The following RFXAP variants were observed in gnomAD, a reference collection of about 807,000 sequenced individuals.
RFXAP encodes the protein regulatory factor X-associated protein.
Under a neutral mutation model 25.7 loss-of-function variants are expected in RFXAP, and 21 were observed. The ratio of observed to expected loss-of-function variants is 0.82; its 90% CI spans 0.58 to 1.18. The LOEUF is 1.18. Among genes scored for constraint, RFXAP ranks in the 50% most tolerant of loss-of-function variants. The probability of loss-of-function intolerance (pLI) is 0.00; values close to 1 mark genes in which losing one functional copy is unlikely to be tolerated. For missense variants in RFXAP, 333 were observed against 363.0 expected (o/e 0.92, Z 0.67); for synonymous variants, 161 against 152.2 (o/e 1.06, Z -0.43).
At chr13:36,824,874 G>C (rs1006551258) in intron 1 of RFXAP, among the ~76,000 whole-genome samples, 2 of 151,966 alleles carry the variant, frequency 1.3e-5, no homozygotes. Context: ...TGAAAGCTTT[G>C]GTTATCAGTT....
intron 1 of RFXAP, among the ~76,000 whole-genome samples, chr13:36,824,512 A>G (rs2057972050): frequency 6.6e-6 from 1 of 152,200 alleles, no homozygotes. Flanking sequence ...TATTCTAAGT[A>G]AAGAACAAAG....
chr13:36,819,326 G>T lies in RFXAP; in HGVS notation c.-32G>T. ...TAGGCCAAGCAGGTGCTAAAAGCCC[G>T]GGGTCGTGGACCCCGGCCAGGTCTT... On this transcript the variant is annotated 5_prime_UTR_variant, in exon 1 of 3. Coordinates refer to ENST00000255476, the MANE Select transcript of RFXAP (RefSeq NM_000538.4). The T allele has an allele frequency of 8.0e-7, 1 of 1,250,498 alleles. No homozygotes were observed. 77.5% of individuals were successfully genotyped at this position (1,250,498 alleles called of 1,614,324 possible).
rs925513125 is a variant in RFXAP at position 36,829,032 on chromosome 13, G to A, written c.*1279G>A. 1.3e-5 allele frequency: 2 copies of A among 152,572 alleles called. No homozygotes were observed. Among genetic ancestry groups the A allele is most frequent in the Non-Finnish European group, 2.9e-5 (2 of 68,008 alleles). 9.5% of individuals were successfully genotyped at this position (152,572 alleles called of 1,614,324 possible). A position where few individuals can be genotyped will look rare whatever the true frequency, so the allele number is the denominator to read the frequency against. ...TTTTTGTTCATTTCTTAATGTGTGT[G>A]TTTTTACTTGCATATCTGTTCAAAA... is the stretch of plus-strand genomic sequence containing the variant. On this transcript the variant is annotated 3_prime_UTR_variant, in exon 3 of 3. Transcript: ENST00000255476.
At chr13:36,824,580 C>T (rs560387495) in intron 1 of RFXAP, among the ~76,000 whole-genome samples, 1 of 152,182 alleles carries the variant, frequency 6.6e-6, no homozygotes, top group Admixed American at 6.5e-5. Context: ...TTTATATTTG[C>T]TACTTTAGTA....
chr13:36,825,493 A>G lies in RFXAP; in HGVS notation c.666A>G (p.Ala222=), dbSNP rs139675642. 932 of 1,612,924 alleles carry G rather than the reference A, an allele frequency of 5.8e-4. 3 individuals are homozygous for G. The highest frequency in any genetic ancestry group is 4.5e-3 in the Middle Eastern group (27 of 6,052). The change falls in exon 2 of 3, where the codon GCA becomes GCG. Residue 222 remains alanine (A), a synonymous_variant. Transcript: ENST00000255476. ...CAGGATCTTTTGGGGATCGTCCTGC[A>G]AGACCTACTCTTTTAGAACAAGTGT... is the stretch of plus-strand genomic sequence containing the variant. ...QRTGSFGDRP[A]RPTLLEQVLN...
At chr13:36,821,335 C>G (rs1378786946) in intron 1 of RFXAP, among the ~76,000 whole-genome samples, 1 of 151,502 alleles carries the variant, frequency 6.6e-6, no homozygotes, top group African/African-American at 2.4e-5. Context: ...TGCTCCATCA[C>G]TAAAATATTA....
chr13:36,824,543 A>G (rs548237842), intron 1 of RFXAP, among the ~76,000 whole-genome samples: 1 of 152,298 alleles, frequency 6.6e-6, no homozygotes, highest in South Asian at 2.1e-4. Context: ...CATGTAAGGT[A>G]TGGCTTTCCG....
Position 36,819,547 on chromosome 13 carries a change from A to G in RFXAP, c.190A>G (p.Ser64Gly), listed in dbSNP as rs752279859. 3.9e-6 allele frequency: 6 copies of G among 1,521,718 alleles called. No individual in the cohort carries two copies. Among genetic ancestry groups the G allele is most frequent in the Non-Finnish European group, 5.3e-6 (6 of 1,132,602 alleles). The allele number at this position is 1,521,718 out of a possible 1,614,324, so 94.3% of individuals were successfully genotyped here. ...GGACGAGGCTGCGGCCCCCGGGGGC[A>G]GCGTTGGGGCGGGCAAGCCCGTTAG... ...GQDEAAAPGG[S>G]VGAGKPVRYL... Residue 64 changes from serine to glycine, a missense_variant, in exon 1 of 3, where the codon AGC becomes GGC. By Grantham distance (56) the Ser-to-Gly change is moderately conservative. Transcript: ENST00000255476.
In RFXAP at chr13:36,819,618, G is replaced by C; in HGVS notation, c.261G>C (p.Glu87Asp). The change falls in exon 1 of 3, where the codon GAG (glutamate) becomes GAC (aspartate). Residue 87 changes from glutamate to aspartate, a missense_variant. Coordinates refer to ENST00000255476, the MANE Select transcript of RFXAP (RefSeq NM_000538.4). ...GAGDGEEEAG[E>D]DEADLLDTSD... is the part of the protein sequence containing the mutation. ...GGGATGGCGAAGAGGAGGCTGGGGA[G>C]GACGAGGCGGACCTGTTAGACACTT... The C allele has an allele frequency of 6.5e-7, 1 of 1,541,156 alleles. No homozygotes were observed. The highest frequency in any genetic ancestry group is 8.8e-7 in the Non-Finnish European group (1 of 1,140,110).
chr13:36,827,840 A>G lies in RFXAP; in HGVS notation c.*87A>G, dbSNP rs939588414. On this transcript the variant is annotated 3_prime_UTR_variant, in exon 3 of 3. Transcript: ENST00000255476. The stretch of plus-strand genomic sequence containing the variant: ...TTTACCAGACATAAATGGGGTAATA[A>G]TCTATGCCTGTAGAACATAAACATT... The G allele has an allele frequency of 3.0e-6, 3 of 995,070 alleles. No homozygotes were observed. The African/African-American group carries it at 4.9e-5, about 16-fold the overall frequency. The allele number at this position is 995,070 out of a possible 1,614,324, so 61.6% of individuals were successfully genotyped here. A position where few individuals can be genotyped will look rare whatever the true frequency, so the allele number is the denominator to read the frequency against.
At position 36,822,094 on chromosome 13, in the gene RFXAP, C is replaced by CT. The variant is rs200751998; in HGVS notation, c.600+2149dup. Among the ~76,000 whole-genome samples the CT allele has an allele frequency of 8.9e-3, 1,296 of 145,008 alleles. 15 individuals carry two copies. The highest frequency in any genetic ancestry group is 0.029 in the African/African-American group (1,154 of 39,754). The stretch of plus-strand genomic sequence containing the variant: ...GAGAAAAATAATACTTTTTTTCTTT[C>CT]TTTTTTTTTTTTGAGACAGAGTCTT... On this transcript the variant is annotated intron_variant, in intron 1 of 2. Coordinates refer to ENST00000255476, the MANE Select transcript of RFXAP (RefSeq NM_000538.4).
rs2057983459 is a variant in RFXAP at position 36,827,896 on chromosome 13, T to C, written c.*143T>C. ...GTAAATGTATGTGTGCATTTGGGGA[T>C]AAGTAAGTATTGCACTTTGTGCATC... On this transcript the variant is annotated 3_prime_UTR_variant, in exon 3 of 3. Coordinates refer to ENST00000255476, the MANE Select transcript of RFXAP (RefSeq NM_000538.4). The C allele has an allele frequency of 1.5e-6, 1 of 681,146 alleles. No individual in the cohort carries two copies. Among genetic ancestry groups the C allele is most frequent in the East Asian group, 2.7e-5 (1 of 36,604 alleles). 42.2% of individuals were successfully genotyped at this position (681,146 alleles called of 1,614,324 possible).
rs554403833 is a variant in RFXAP, at chr13:36,827,149, T to TAC, written c.709-489_709-488dup. ...CGATATATATGTACATATATATATA[T>TAC]ACACACCTATACACACAATTTTTAA... On this transcript the variant is annotated intron_variant, in intron 2 of 2. Transcript: ENST00000255476. Among the ~76,000 whole-genome samples, 1,239 of 152,112 alleles carry TAC rather than the reference T, an allele frequency of 8.1e-3. 18 individuals carry two copies. Among genetic ancestry groups the TAC allele is most frequent in the African/African-American group, 0.028 (1,175 of 41,470 alleles).
At chr13:36,820,080 A>G (rs2057957264) in intron 1 of RFXAP, 123 bp downstream of exon 1, 1 of 1,390,542 alleles carries the variant, frequency 7.2e-7, no homozygotes, top group Non-Finnish European at 9.9e-7. Context: ...TGACTGGGTT[A>G]GTGGTTGAGA....
chr13:36,825,885 A>G (rs531410307), intron 2 of RFXAP, among the ~76,000 whole-genome samples: 1 of 148,022 alleles, frequency 6.8e-6, no homozygotes, highest in South Asian at 2.1e-4. Flanking sequence ...ATCACATAAA[A>G]TATTCCTGGT....
rs1012169483 is a variant in RFXAP, at chr13:36,825,551, T to C, written c.708+16T>C. 1.9e-6 allele frequency: 3 copies of C among 1,547,702 alleles called. No homozygotes were observed. The highest frequency in any genetic ancestry group is 1.4e-5 in the African/African-American group (1 of 73,726). On this transcript the variant is annotated intron_variant, in intron 2 of 2. Coordinates refer to ENST00000255476, the MANE Select transcript of RFXAP (RefSeq NM_000538.4). ...AAAAAGACTGGTAAATATCTGTTTGTAAATCAGTTATAAATGTGTTAACAA... is the reference window on the plus strand; with the variant it reads ...AAAAAGACTGGTAAATATCTGTTTGCAAATCAGTTATAAATGTGTTAACAA...
intron 1 of RFXAP, among the ~76,000 whole-genome samples, chr13:36,821,085 C>A (rs1159076363): frequency 6.6e-6 from 1 of 151,784 alleles, no homozygotes; most frequent in African/African-American, 2.4e-5. Flanking sequence ...TGGCAAGTGC[C>A]TGTATACCCA....
At chr13:36,826,315 T>C (rs1486393156) in intron 2 of RFXAP, among the ~76,000 whole-genome samples, 1 of 151,866 alleles carries the variant, frequency 6.6e-6, no homozygotes, top group African/African-American at 2.4e-5. Flanking sequence ...TTGCAAAAGA[T>C]AGAAACAGAA....
At chr13:36,823,220 AC>A (rs1327382719) in intron 1 of RFXAP, among the ~76,000 whole-genome samples, 1 of 152,236 alleles carries the variant, frequency 6.6e-6, no homozygotes, top group Non-Finnish European at 1.5e-5. Flanking sequence ...TAGAGCTTTC[AC>A]TTTTACCTCC....
Sources: allele counts gnomAD v4.1 joint callset (sites outside exome capture counted in the v4.1 genomes callset), GRCh38; gene constraint gnomAD v4.1.1; transcripts MANE v1.5; gene names NCBI Gene and HGNC (gene_info 2026-07-23, HGNC 2026-07-21).